Variants in IFI27L1 observed in about 807,000 individuals in gnomAD.
IFI27L1 encodes the protein interferon alpha-inducible protein 27-like protein 1.
IFI27L1 carries 3 observed loss-of-function variants against 9.2 expected under a neutral mutation model. The ratio of observed to expected loss-of-function variants is 0.32; its 90% CI spans 0.15 to 0.84. The LOEUF is 0.84. IFI27L1 is among the 40% of genes least tolerant of loss of function. The probability of loss-of-function intolerance (pLI) is 0.56; values close to 1 mark genes in which losing one functional copy is unlikely to be tolerated. For missense variants in IFI27L1, 133 were observed against 134.2 expected (o/e 0.99, Z 0.05); for synonymous variants, 53 against 50.0 (o/e 1.06, Z -0.26).
At chr14:94,096,443 C>G (rs1886666766) in intron 1 of IFI27L1, among the ~76,000 whole-genome samples, 1 of 152,194 alleles carries the variant, frequency 6.6e-6, no homozygotes, top group African/African-American at 2.4e-5. Flanking sequence ...CACCTGTAAT[C>G]CCAGCACTTT....
chr14:94,082,816 A>G (rs1414094458), intron 1 of IFI27L1, among the ~76,000 whole-genome samples: 1 of 152,262 alleles, frequency 6.6e-6, no homozygotes, highest in Non-Finnish European at 1.5e-5. Context: ...GTGCATAGTC[A>G]CACGAGAGCT....
At chr14:94,102,401 G>T in intron 4 of IFI27L1, 76 bp from the exon 5 acceptor site, 1 of 875,016 alleles carries the variant, frequency 1.1e-6, no homozygotes, top group Non-Finnish European at 1.8e-6. Flanking sequence ...AGGGACCAGG[G>T]TCTCTGGCCT....
intron 1 of IFI27L1, among the ~76,000 whole-genome samples, chr14:94,091,240 G>A (rs998427118): frequency 2.0e-5 from 3 of 152,220 alleles, no homozygotes; most frequent in Non-Finnish European, 2.9e-5. Flanking sequence ...GGTAACAGTT[G>A]CCTGTGGATG....
intron 3 of IFI27L1, 99 bp downstream of exon 3, chr14:94,100,870 C>A: frequency 1.5e-6 from 2 of 1,298,006 alleles, no homozygotes; most frequent in Non-Finnish European, 2.2e-6. Context: ...CAGGATTCTC[C>A]AAGACATAGC....
intron 1 of IFI27L1, among the ~76,000 whole-genome samples, chr14:94,086,129 A>G (rs1430371749): frequency 2.0e-5 from 3 of 152,042 alleles, no homozygotes; most frequent in Non-Finnish European, 4.4e-5. Context: ...GCTTCATAAT[A>G]AGTGAGCTCT....
At chr14:94,093,305 T>A (rs1287120957) in intron 1 of IFI27L1, among the ~76,000 whole-genome samples, 2 of 151,716 alleles carry the variant, frequency 1.3e-5, no homozygotes, top group Admixed American at 6.6e-5. Flanking sequence ...TAGCTGGGAC[T>A]ACAGACACCC....
At chr14:94,098,313 G>C (rs1311536321) in intron 2 of IFI27L1, among the ~76,000 whole-genome samples, 1 of 152,084 alleles carries the variant, frequency 6.6e-6, no homozygotes, top group Non-Finnish European at 1.5e-5. Context: ...GTCAGTCTTC[G>C]ACGTCCTTGC....
chr14:94,084,273 G>A (rs1291304197), intron 1 of IFI27L1, among the ~76,000 whole-genome samples: 1 of 152,124 alleles, frequency 6.6e-6, no homozygotes, highest in Non-Finnish European at 1.5e-5. Context: ...AGGCCCAGGC[G>A]GGTGGATCGC....
chr14:94,086,978 GAATACGGCATTGC>G (rs1476485163), intron 1 of IFI27L1, among the ~76,000 whole-genome samples: 1 of 152,134 alleles, frequency 6.6e-6, no homozygotes, highest in East Asian at 1.9e-4. Context: ...TGACATTTGA[GAATACGGCATTGC>G]AGTGGGAAAA....
At chr14:94,100,478 G>A in intron 2 of IFI27L1, 1 of 985,358 alleles carries the variant, frequency 1.0e-6, no homozygotes, top group Non-Finnish European at 1.2e-6. Flanking sequence ...CAGTGCTGCA[G>A]GGGGCCCAGC....
At chr14:94,092,121 G>A (rs1273958841) in intron 1 of IFI27L1, among the ~76,000 whole-genome samples, 4 of 147,268 alleles carry the variant, frequency 2.7e-5, no homozygotes, top group Admixed American at 6.8e-5. Flanking sequence ...GTGAGACTGT[G>A]TCTCAAAAAA....
intron 1 of IFI27L1, among the ~76,000 whole-genome samples, chr14:94,096,465 G>A (rs1229116894): frequency 1.3e-5 from 2 of 152,202 alleles, no homozygotes; most frequent in African/African-American, 4.8e-5. Context: ...GGAGGCCAGG[G>A]TGGGCGGATC....
rs1808943801 is a variant in IFI27L1 at position 94,101,905 on chromosome 14, G to A, written c.153G>A (p.Met51Ile). 6 of 1,614,118 alleles carry A rather than the reference G, an allele frequency of 3.7e-6. No individual in the cohort carries two copies. The African/African-American group carries it at 8.0e-5, about 22-fold the overall frequency. The change falls in exon 4 of 5, where the codon ATG becomes ATA. Residue 51 changes from methionine (M) to isoleucine (I), a missense_variant. Met to Ile is a conservative substitution (Grantham distance 10). Transcript: ENST00000555523. Reference protein sequence around the residue: ...IAASSIAAKMMSTAAIANGGG... With the variant: ...IAASSIAAKMISTAAIANGGG... The stretch of plus-strand genomic sequence containing the variant: ...CATCCTCCATAGCAGCCAAGATGAT[G>A]TCTACAGCAGCCATTGCCAACGGGG...
chr14:94,088,051 G>A (rs539952756), intron 1 of IFI27L1, among the ~76,000 whole-genome samples: 27 of 152,224 alleles, frequency 1.8e-4, no homozygotes, highest in African/African-American at 4.8e-4. Context: ...TCTGTTTCAC[G>A]CTCTGCTGTG....
chr14:94,100,297 G>A lies in IFI27L1; in HGVS notation c.29-442G>A, dbSNP rs968485842. ...TCTGTTACTTGGCTGAGACCAAGGC[G>A]CCTCTTCCTGGGGAGGTGGCTGAGC... On this transcript the variant is annotated intron_variant, in intron 2 of 4. Transcript: ENST00000555523. 3.6e-5 allele frequency: 35 copies of A among 985,284 alleles called. 1 individual carries two copies. The highest frequency in any genetic ancestry group is 1.2e-4 in the Admixed American group (2 of 16,264). The allele number at this position is 985,284 out of a possible 1,614,324, so 61.0% of individuals were successfully genotyped here. A position where few individuals can be genotyped will look rare whatever the true frequency, so the allele number is the denominator to read the frequency against.
At position 94,086,885 on chromosome 14, in the gene IFI27L1, TTTTA is replaced by T. The variant is rs1886298732; in HGVS notation, c.-52+5443_-52+5446del. On this transcript the variant is annotated intron_variant, in intron 1 of 4. Coordinates refer to ENST00000555523, the MANE Select transcript of IFI27L1 (RefSeq NM_206949.3). ...TAATTATTTATATAGGAGTATAAAATTTTATTTATTCAATTTTTGTTACTTCCCA... is the reference window on the plus strand; with the variant it reads ...TAATTATTTATATAGGAGTATAAAATTTTATTCAATTTTTGTTACTTCCCA... Among the ~76,000 whole-genome samples, 5 of 152,294 alleles carry T rather than the reference TTTTA, an allele frequency of 3.3e-5. 1 individual carries two copies. The South Asian group carries it at 1.0e-3, about 32-fold the overall frequency.
intron 2 of IFI27L1, chr14:94,097,608 G>C (rs1470286914): frequency 1.4e-6 from 1 of 702,282 alleles, no homozygotes; most frequent in South Asian, 1.5e-5. Flanking sequence ...CCCACTGAGA[G>C]ACGCGGGTGG....
rs978911491 is a variant in IFI27L1, at chr14:94,101,169, A to G, written c.61+398A>G. The stretch of plus-strand genomic sequence containing the variant: ...TTTGACAAATGCTGGTAGCCCATCC[A>G]CTGAGTCAGAAGCTTTTGACCTGCT... On this transcript the variant is annotated intron_variant, in intron 3 of 4. Transcript: ENST00000555523. 1.9e-5 allele frequency: 7 copies of G among 375,744 alleles called. No homozygotes were observed. The East Asian group carries it at 3.2e-4, about 17-fold the overall frequency. 23.3% of individuals were successfully genotyped at this position (375,744 alleles called of 1,614,324 possible).
chr14:94,088,818 C>T (rs1332251641), intron 1 of IFI27L1, among the ~76,000 whole-genome samples: 3 of 152,148 alleles, frequency 2.0e-5, no homozygotes, highest in South Asian at 2.1e-4. Flanking sequence ...TCCTAGTCTT[C>T]GGAGTTCCTT....
Sources: gnomAD v4.1 joint callset for allele counts (sites outside exome capture counted in the v4.1 genomes callset) on GRCh38, gnomAD v4.1.1 for gene constraint, MANE v1.5 for transcripts, NCBI Gene and HGNC (gene_info 2026-07-23, HGNC 2026-07-21) for gene names.